GSE1: variants seen among roughly 807,000 people sequenced by gnomAD.
GSE1 encodes Gse1 coiled-coil protein, also known as genetic suppressor element 1.
GSE1 carries 32 observed loss-of-function variants against 112.6 expected under a neutral mutation model. That is an observed-to-expected ratio of 0.28 (90% CI 0.21 to 0.38). The LOEUF (loss-of-function observed/expected upper bound fraction) is 0.38. Ranked by LOEUF, GSE1 falls within the 10% of genes least tolerant of loss-of-function variation. The pLI is 1.00. For missense variants in GSE1, 2,348 were observed against 1,699.2 expected (o/e 1.38, Z -6.71); for synonymous variants, 1,115 against 735.6 (o/e 1.52, Z -8.35).
intron 2 of GSE1, among the ~76,000 whole-genome samples, chr16:85,537,019 G>A (rs922955242): frequency 1.3e-5 from 2 of 152,214 alleles, no homozygotes; most frequent in Admixed American, 6.5e-5. Context: ...CGACGAGTGG[G>A]CTGGGCAGTG....
chr16:85,432,104 C>T (rs1366931702), intron 2 of GSE1, among the ~76,000 whole-genome samples: 1 of 152,210 alleles, frequency 6.6e-6, no homozygotes, highest in African/African-American at 2.4e-5. Context: ...CACTGGCTGA[C>T]TTCTCATCAA....
chr16:85,401,480 TC>T (rs2048114453), intron 2 of GSE1, among the ~76,000 whole-genome samples: 2 of 152,002 alleles, frequency 1.3e-5, no homozygotes, highest in South Asian at 4.2e-4. Context: ...CACAGTTGCT[TC>T]CCTTGGGGCA....
intron 1 of GSE1, among the ~76,000 whole-genome samples, chr16:85,234,373 C>T (rs1477283629): frequency 6.6e-6 from 1 of 152,176 alleles, no homozygotes; most frequent in African/African-American, 2.4e-5. Context: ...CACATGAGCA[C>T]CACCTCCCCA....
intron 2 of GSE1, among the ~76,000 whole-genome samples, chr16:85,462,923 C>G (rs1212158750): frequency 6.6e-6 from 1 of 151,510 alleles, no homozygotes; most frequent in East Asian, 2.0e-4. Flanking sequence ...TGCTCCGTGC[C>G]GCCCCGCAGA....
Position 85,655,890 on chromosome 16 carries a change from AGC to A in GSE1, c.965_966del (p.Arg322HisfsTer28). The stretch of plus-strand genomic sequence containing the variant: ...TCATCCCTGGCAGCGCTGCACTCGG[AGC>A]GCATGTCTGGCCTCAGCGCGGAGAG... On this transcript the variant is annotated frameshift_variant, in exon 6 of 16. Coordinates refer to ENST00000253458, the MANE Select transcript of GSE1 (RefSeq NM_014615.5). LOFTEE classifies it high-confidence loss of function. 6.2e-7 allele frequency: 1 copy of A among 1,606,072 alleles called. No homozygotes were observed. The highest frequency in any genetic ancestry group is 8.5e-7 in the Non-Finnish European group (1 of 1,179,770).
rs1233952623 is a variant in GSE1 at position 85,340,948 on chromosome 16, G to C, written c.2284-16515G>C. Among the ~76,000 whole-genome samples, 6 of 152,366 alleles carry C rather than the reference G, an allele frequency of 3.9e-5. No individual in the cohort carries two copies. In the East Asian group the frequency reaches 9.7e-4, roughly 25 times the overall value. On this transcript the variant is annotated intron_variant, in intron 1 of 2. Coordinates refer to the GSE1 transcript ENST00000637419. ...CGAGTTTCCTCATCTGGAAAATGAT[G>C]ATGATAATGGCAGTGTCTACCTCAC...
At chr16:85,360,649 G>T (rs2047048525) in intron 2 of GSE1, among the ~76,000 whole-genome samples, 1 of 152,220 alleles carries the variant, frequency 6.6e-6, no homozygotes, top group African/African-American at 2.4e-5. Flanking sequence ...AGGGGGAGGG[G>T]GCACGTCCAG....
intron 14 of GSE1, among the ~76,000 whole-genome samples, 193 bp downstream of exon 14, chr16:85,668,617 A>C (rs527990862): frequency 4.7e-4 from 72 of 152,294 alleles, no homozygotes; most frequent in Non-Finnish European, 9.9e-4. Flanking sequence ...ACCTGAGGCC[A>C]GTCTTGCTAG....
chr16:85,295,004 G>C (rs1289114425), intron 1 of GSE1, among the ~76,000 whole-genome samples: 1 of 151,870 alleles, frequency 6.6e-6, no homozygotes, highest in Non-Finnish European at 1.5e-5. Flanking sequence ...TCCTGCCTAG[G>C]CCTCCCAAGG....
intron 1 of GSE1, among the ~76,000 whole-genome samples, chr16:85,326,250 G>A (rs4783164): frequency 0.59 from 90,275 of 151,850 alleles, 27,056 homozygotes; most frequent in Middle Eastern, 0.68. Flanking sequence ...AGGACTCTGA[G>A]CCACCCGCCT....
chr16:85,251,580 C>A (rs1001908930), intron 1 of GSE1, among the ~76,000 whole-genome samples: 2 of 152,228 alleles, frequency 1.3e-5, no homozygotes, highest in African/African-American at 4.8e-5. Flanking sequence ...AGCAGAGTGA[C>A]CCTGGGCAGG....
Position 85,674,037 on chromosome 16 carries a change from C to G in GSE1, c.*1498C>G, listed in dbSNP as rs2053543821. 6.6e-6 allele frequency: 1 copy of G among 152,252 alleles called. No homozygotes were observed. The highest frequency in any genetic ancestry group is 6.5e-5 in the Admixed American group (1 of 15,286). The allele number at this position is 152,252 out of a possible 1,614,324, so 9.4% of individuals were successfully genotyped here. On this transcript the variant is annotated 3_prime_UTR_variant, in exon 16 of 16. Coordinates refer to ENST00000253458, the MANE Select transcript of GSE1 (RefSeq NM_014615.5). Reference sequence around the variant, plus strand: ...CAACGGGCGAGTCTTCCTCCTTGTCCTAGTTACTGCCTATGGAGGCAGTGT... The same window carrying G: ...CAACGGGCGAGTCTTCCTCCTTGTCGTAGTTACTGCCTATGGAGGCAGTGT...
intron 1 of GSE1, among the ~76,000 whole-genome samples, chr16:85,189,788 C>T (rs2074784199): frequency 6.6e-6 from 1 of 152,154 alleles, no homozygotes; most frequent in South Asian, 2.1e-4. Flanking sequence ...TCTAGGTAGT[C>T]AAATTAGTTG....
At chr16:85,574,099 G>A (rs2151348204) in intron 1 of GSE1, among the ~76,000 whole-genome samples, 1 of 152,324 alleles carries the variant, frequency 6.6e-6, no homozygotes, top group East Asian at 1.9e-4. Context: ...GTCCTGACAA[G>A]CAGCCCCCGG....
chr16:85,590,939 G>A (rs112958468), intron 1 of GSE1, among the ~76,000 whole-genome samples: 2 of 152,298 alleles, frequency 1.3e-5, no homozygotes, highest in African/African-American at 4.8e-5. Flanking sequence ...ATGCGGTGGG[G>A]GGGACCAGAC....
At position 85,570,665 on chromosome 16, in the gene GSE1, G is replaced by A. The variant is rs527495112; in HGVS notation, c.37+14302G>A. 5.0e-4 allele frequency among the ~76,000 whole-genome samples: 76 copies of A among 152,332 alleles called. 1 individual carries two copies. Among genetic ancestry groups the A allele is most frequent in the African/African-American group, 1.7e-3 (71 of 41,574 alleles). ...GGAGGAATAGGAACGCAAATAGCCC[G>A]CAACCAACTTTGTTCTCCTTGCCCT... On this transcript the variant is annotated intron_variant, in intron 1 of 2. Transcript: ENST00000635906.
At chr16:85,305,427 G>T (rs930080851) in intron 1 of GSE1, among the ~76,000 whole-genome samples, 7 of 152,146 alleles carry the variant, frequency 4.6e-5, no homozygotes, top group Admixed American at 4.6e-4. Context: ...TTGGATTGCA[G>T]GCATGAGCCA....
chr16:85,226,758 GGTGTGTGTGTGTGTGTGTGTGT>G lies in GSE1; in HGVS notation c.2283+54989_2283+55010del, dbSNP rs55999145. ...GGCTGCCTGTGGTGCTGCCTGGACT[GGTGTGTGTGTGTGTGTGTGTGT>G]GTGTGTGTGTGTGTGTGTGTGTGTG... On this transcript the variant is annotated intron_variant, in intron 1 of 2. Transcript: ENST00000637419. Among the ~76,000 whole-genome samples, 772 of 104,974 alleles carry G rather than the reference GGTGTGTGTGTGTGTGTGTGTGT, an allele frequency of 7.4e-3. 4 individuals carry two copies. Among genetic ancestry groups the G allele is most frequent in the African/African-American group, 0.023 (610 of 26,100 alleles). 68.9% of individuals were successfully genotyped at this position (104,974 alleles called of 152,430 possible).
Position 85,656,108 on chromosome 16 carries a change from C to T in GSE1, c.989+191C>T, listed in dbSNP as rs543828493. Among the ~76,000 whole-genome samples the T allele has an allele frequency of 2.6e-3, 392 of 152,278 alleles. 1 individual carries two copies. The highest frequency in any genetic ancestry group is 4.6e-3 in the Non-Finnish European group (312 of 68,024). ...TAGCGCCTGTCTCGGTAGCCGTGGT[C>T]TCCTGCAGTAAACCTGCAGGCCGAG... On this transcript the variant is annotated intron_variant, in intron 6 of 15. Transcript: ENST00000253458.
Sources: allele counts gnomAD v4.1 joint callset (sites outside exome capture counted in the v4.1 genomes callset), GRCh38; gene constraint gnomAD v4.1.1; transcripts MANE v1.5; gene names NCBI Gene and HGNC (gene_info 2026-07-23, HGNC 2026-07-21).